Variants in CCSER2 observed in about 807,000 individuals in gnomAD.
CCSER2 encodes the protein coiled-coil serine rich protein 2, also known as serine-rich coiled-coil domain-containing protein 2.
A neutral mutation model predicts 92.3 loss-of-function variants in CCSER2; 46 were observed. That is an observed-to-expected ratio of 0.50 (90% CI 0.39 to 0.64). CCSER2 has a LOEUF of 0.64. CCSER2 is among the 30% of genes least tolerant of loss of function. The pLI is 0.00. For missense variants in CCSER2, 1,244 were observed against 1,238.9 expected (o/e 1.00, Z -0.06); for synonymous variants, 433 against 431.4 (o/e 1.00, Z -0.04).
At chr10:84,432,250 A>C (rs1843813463) in intron 5 of CCSER2, among the ~76,000 whole-genome samples, 1 of 152,044 alleles carries the variant, frequency 6.6e-6, no homozygotes, top group African/African-American at 2.4e-5. Context: ...TATTTTTTAT[A>C]ATTTCAACTT....
intron 1 of CCSER2, among the ~76,000 whole-genome samples, chr10:84,350,924 G>A (rs763468502): frequency 1.3e-5 from 2 of 152,034 alleles, no homozygotes; most frequent in Non-Finnish European, 2.9e-5. Flanking sequence ...CTTTTGCCAG[G>A]GTAGCTCTAA....
At chr10:84,476,435 CTTTTTTTTTTTTTTTT>C (rs35978182) in intron 8 of CCSER2, among the ~76,000 whole-genome samples, 21 of 58,534 alleles carry the variant, frequency 3.6e-4, no homozygotes, top group African/African-American at 1.3e-3. Context: ...AATTCTCTCT[CTTTTTTTTTTTTTTTT>C]TTTTTTTTTT....
intron 6 of CCSER2, among the ~76,000 whole-genome samples, chr10:84,461,216 G>C (rs1589730347): frequency 6.6e-6 from 1 of 152,108 alleles, no homozygotes; most frequent in African/African-American, 2.4e-5. Context: ...TACTTTTCAA[G>C]TGTATGGAGA....
At chr10:84,470,158 A>G (rs148127154) in intron 7 of CCSER2, among the ~76,000 whole-genome samples, 276 of 151,824 alleles carry the variant, frequency 1.8e-3, no homozygotes, top group African/African-American at 4.5e-3. Flanking sequence ...AACATCTAAT[A>G]AGTTCTCAAT....
chr10:84,451,350 A>C (rs1845280707), intron 6 of CCSER2, among the ~76,000 whole-genome samples: 1 of 150,510 alleles, frequency 6.6e-6, no homozygotes, highest in Admixed American at 6.6e-5. Context: ...GTGTGATCAT[A>C]AAGTACTGCA....
intron 4 of CCSER2, among the ~76,000 whole-genome samples, chr10:84,419,217 A>T (rs1032865283): frequency 1.3e-5 from 2 of 152,132 alleles, no homozygotes; most frequent in African/African-American, 4.8e-5. Context: ...TTGTCCATCT[A>T]CATTGTCTAA....
intron 3 of CCSER2, among the ~76,000 whole-genome samples, chr10:84,392,245 G>GT (rs1401802189): frequency 7.4e-6 from 1 of 134,530 alleles, no homozygotes; most frequent in Non-Finnish European, 1.5e-5. Context: ...GTTGGGAAAC[G>GT]TTTTAACATG....
At chr10:84,435,286 G>A (rs1348045540) in intron 5 of CCSER2, among the ~76,000 whole-genome samples, 1 of 152,138 alleles carries the variant, frequency 6.6e-6, no homozygotes, top group Non-Finnish European at 1.5e-5. Flanking sequence ...TTTTCTAGAT[G>A]TCAGTTCTTT....
At chr10:84,334,357 C>A (rs1375042846) in intron 1 of CCSER2, among the ~76,000 whole-genome samples, 1 of 152,056 alleles carries the variant, frequency 6.6e-6, no homozygotes, top group African/African-American at 2.4e-5. Context: ...CTATTGAGAT[C>A]AACCAATGAG....
Position 84,513,561 on chromosome 10 carries a change from T to C in CCSER2, c.2438T>C (p.Met813Thr), listed in dbSNP as rs752220580. 6.2e-7 allele frequency: 1 copy of C among 1,613,912 alleles called. No individual in the cohort carries two copies. Among genetic ancestry groups the C allele is most frequent in the Admixed American group, 1.7e-5 (1 of 59,970 alleles). The change falls in exon 10 of 10, where the codon ATG (methionine) becomes ACG (threonine). Residue 813 changes from methionine (M) to threonine (T), a missense_variant. Transcript: ENST00000372088. ...EARSECSIQD[M>T]HQGGAHPEES... ...CGCAGTGAATGCTCAATCCAAGACA[T>C]GCATCAGGGCGGTGCACATCCGGAA...
At chr10:84,386,437 CTG>C (rs1841210696) in intron 3 of CCSER2, among the ~76,000 whole-genome samples, 1 of 152,212 alleles carries the variant, frequency 6.6e-6, no homozygotes, top group African/African-American at 2.4e-5. Flanking sequence ...GAAACTGAGA[CTG>C]GGCCTAGTGG....
intron 3 of CCSER2, among the ~76,000 whole-genome samples, chr10:84,405,235 A>G (rs1354184038): frequency 6.6e-6 from 1 of 152,158 alleles, no homozygotes; most frequent in Non-Finnish European, 1.5e-5. Context: ...AAATCTTTCA[A>G]CAAATGTTGT....
chr10:84,472,791 A>G (rs1019024354), intron 8 of CCSER2, among the ~76,000 whole-genome samples: 15 of 152,194 alleles, frequency 9.9e-5, no homozygotes, highest in Non-Finnish European at 1.8e-4. Flanking sequence ...TTAAAAAAAT[A>G]AGAACAGGTC....
At chr10:84,393,612 A>G (rs1841654293) in intron 3 of CCSER2, among the ~76,000 whole-genome samples, 1 of 152,174 alleles carries the variant, frequency 6.6e-6, no homozygotes, top group Non-Finnish European at 1.5e-5. Context: ...AAAGCTACAG[A>G]GTGAAAGTTG....
intron 3 of CCSER2, among the ~76,000 whole-genome samples, chr10:84,403,897 G>C (rs1177093394): frequency 3.3e-5 from 5 of 152,148 alleles, no homozygotes; most frequent in Admixed American, 1.3e-4. Context: ...AAGCCTCTTT[G>C]TGCTCTAGAA....
chr10:84,502,646 C>T (rs1001661716), intron 9 of CCSER2, among the ~76,000 whole-genome samples: 5 of 151,786 alleles, frequency 3.3e-5, no homozygotes, highest in Non-Finnish European at 5.9e-5. Flanking sequence ...GCTGGGATTA[C>T]AGGCGTGAGC....
At chr10:84,448,226 G>A (rs1845050132) in intron 6 of CCSER2, among the ~76,000 whole-genome samples, 1 of 152,110 alleles carries the variant, frequency 6.6e-6, no homozygotes, top group Non-Finnish European at 1.5e-5. Flanking sequence ...TCATGCCTGA[G>A]CTCTGGCAGT....
rs751114801 is a variant in CCSER2, at chr10:84,371,295, G to T, written c.243G>T (p.Glu81Asp). 5 of 1,613,476 alleles carry T rather than the reference G, an allele frequency of 3.1e-6. No homozygotes were observed. In the African/African-American group the frequency reaches 6.7e-5, roughly 22 times the overall value. Reference sequence around the variant, plus strand: ...AGCTTTGTGCACAAGGTGTCGAAGAGCCTAACAATACTCAAAATTCACATG... The same window carrying T: ...AGCTTTGTGCACAAGGTGTCGAAGATCCTAACAATACTCAAAATTCACATG... ...KYQLCAQGVE[E>D]PNNTQNSHDK... Residue 81 changes from glutamate to aspartate, a missense_variant, in exon 2 of 10, where the codon GAG becomes GAT. Glu to Asp is a conservative substitution (Grantham distance 45). Coordinates refer to ENST00000372088, the MANE Select transcript of CCSER2 (RefSeq NM_001284240.2).
At chr10:84,365,719 T>C (rs1845743526) in intron 1 of CCSER2, among the ~76,000 whole-genome samples, 1 of 152,148 alleles carries the variant, frequency 6.6e-6, no homozygotes, top group Non-Finnish European at 1.5e-5. Context: ...ATAACATGTA[T>C]TACCCTCATC....
Sources: allele counts gnomAD v4.1 joint callset (sites outside exome capture counted in the v4.1 genomes callset), GRCh38; gene constraint gnomAD v4.1.1; transcripts MANE v1.5; gene names NCBI Gene and HGNC (gene_info 2026-07-23, HGNC 2026-07-21).